The following SBK1 variants were observed in gnomAD, a reference collection of about 807,000 sequenced individuals.
The protein encoded by SBK1 is serine/threonine-protein kinase SBK1.
A neutral mutation model predicts 24.4 loss-of-function variants in SBK1; 11 were observed. The ratio of observed to expected loss-of-function variants is 0.45; its 90% CI spans 0.28 to 0.75. The LOEUF (loss-of-function observed/expected upper bound fraction) is 0.75. SBK1 is among the 30% of genes least tolerant of loss of function. The probability of loss-of-function intolerance (pLI) is 0.12; values close to 1 mark genes in which losing one functional copy is unlikely to be tolerated. For synonymous variants in SBK1, 308 were observed against 284.4 expected (o/e 1.08, Z -0.83); for missense variants, 467 against 620.5 (o/e 0.75, Z 2.63).
At position 28,282,191 on chromosome 16, in the gene SBK1, C is replaced by T. The variant is rs111835615; in HGVS notation, c.257+22689C>T. On this transcript the variant is annotated intron_variant, in intron 1 of 3. Coordinates refer to the SBK1 transcript ENST00000671413. ...ACCTACACCTCCCCTGGGACCCAAGCGAGGAAAGTGTGCTGTGCAGGCAGC... is the reference window on the plus strand; with the variant it reads ...ACCTACACCTCCCCTGGGACCCAAGTGAGGAAAGTGTGCTGTGCAGGCAGC... 2.9e-3 allele frequency among the ~76,000 whole-genome samples: 444 copies of T among 152,272 alleles called. 2 individuals carry two copies. Among genetic ancestry groups the T allele is most frequent in the African/African-American group, 0.01 (426 of 41,546 alleles).
intron 1 of SBK1, among the ~76,000 whole-genome samples, chr16:28,299,512 G>A (rs2141579929): frequency 6.6e-6 from 1 of 152,276 alleles, no homozygotes; most frequent in African/African-American, 2.4e-5. Context: ...CTGAGCTCCA[G>A]GGCTAGATTT....
rs2044871482 is a variant in SBK1 at position 28,323,279 on chromosome 16, A to G, written c.*2358A>G. 1 of 152,060 alleles carries G rather than the reference A, an allele frequency of 6.6e-6. No homozygotes were observed. The highest frequency in any genetic ancestry group is 1.5e-5 in the Non-Finnish European group (1 of 67,902). The allele number at this position is 152,060 out of a possible 1,614,324, so 9.4% of individuals were successfully genotyped here. A position where few individuals can be genotyped will look rare whatever the true frequency, so the allele number is the denominator to read the frequency against. On this transcript the variant is annotated 3_prime_UTR_variant, in exon 4 of 4. Coordinates refer to ENST00000341901, the MANE Select transcript of SBK1 (RefSeq NM_001024401.3). Reference sequence around the variant, plus strand: ...TTATGTCACTGTCGAAGAAACAAAAAATAATAGCAAAAAATAACACTGTAG... The same window carrying G: ...TTATGTCACTGTCGAAGAAACAAAAGATAATAGCAAAAAATAACACTGTAG...
chr16:28,316,553 C>T (rs2044797390), intron 1 of SBK1, among the ~76,000 whole-genome samples: 1 of 151,820 alleles, frequency 6.6e-6, no homozygotes, highest in African/African-American at 2.4e-5. Context: ...TCACTTGAGG[C>T]CAGGAGTTCT....
chr16:28,314,592 T>G (rs1470780352), intron 1 of SBK1, among the ~76,000 whole-genome samples: 1 of 152,206 alleles, frequency 6.6e-6, no homozygotes, highest in Admixed American at 6.5e-5. Context: ...TCTACATCTG[T>G]GCCTTCTCCC....
intron 1 of SBK1, among the ~76,000 whole-genome samples, chr16:28,280,322 A>G (rs2044525949): frequency 7.4e-6 from 1 of 134,880 alleles, no homozygotes; most frequent in Non-Finnish European, 1.6e-5. Context: ...TAATATATAT[A>G]TACGTACATA....
At chr16:28,284,192 G>A (rs1377439052) in intron 1 of SBK1, among the ~76,000 whole-genome samples, 5 of 152,252 alleles carry the variant, frequency 3.3e-5, no homozygotes, top group Admixed American at 2.6e-4. Flanking sequence ...ACTTGCTTTA[G>A]AATCCTTGTC....
chr16:28,261,879 A>G (rs1311651322), intron 1 of SBK1, among the ~76,000 whole-genome samples: 1 of 151,920 alleles, frequency 6.6e-6, no homozygotes, highest in East Asian at 1.9e-4. Context: ...TTCATCTCCC[A>G]CCTCTGATTC....
chr16:28,259,395 T>C lies in SBK1; in HGVS notation c.150T>C (p.Pro50=). 1 of 978,204 alleles carries C rather than the reference T, an allele frequency of 1.0e-6. No homozygotes were observed. The highest frequency in any genetic ancestry group is 4.7e-5 in the South Asian group (1 of 21,162). The allele number at this position is 978,204 out of a possible 1,614,324, so 60.6% of individuals were successfully genotyped here. A position where few individuals can be genotyped will look rare whatever the true frequency, so the allele number is the denominator to read the frequency against. Residue 50 remains proline, a synonymous_variant, in exon 1 of 4, where the codon CCT becomes CCC. Coordinates refer to the SBK1 transcript ENST00000671413. This position sits in a 1 kb window ranked among gnomAD's most constrained non-coding sequence, Gnocchi z 6.0. ...ACCCCTGCCCTGTCCTGGAGCTGCC[T>C]CCGGCCTGGCCCATGGGCTGCGGAG...
intron 1 of SBK1, among the ~76,000 whole-genome samples, chr16:28,277,534 G>A (rs2044501509): frequency 6.6e-6 from 1 of 152,118 alleles, no homozygotes; most frequent in Non-Finnish European, 1.5e-5. Flanking sequence ...AATTAGCCGA[G>A]CATGGTAGTG....
At chr16:28,294,024 A>G (rs2044621406) in intron 1 of SBK1, among the ~76,000 whole-genome samples, 1 of 152,168 alleles carries the variant, frequency 6.6e-6, no homozygotes, top group Non-Finnish European at 1.5e-5. Context: ...CATTTGTCCC[A>G]GGGACAGCAA....
chr16:28,266,926 A>T (rs567471386), intron 1 of SBK1, among the ~76,000 whole-genome samples: 1 of 151,346 alleles, frequency 6.6e-6, no homozygotes, highest in South Asian at 2.1e-4. Context: ...TTTTTTTTTC[A>T]GACAGAGTCT....
At chr16:28,307,213 C>T (rs924591988) in intron 1 of SBK1, among the ~76,000 whole-genome samples, 1 of 152,298 alleles carries the variant, frequency 6.6e-6, no homozygotes, top group Non-Finnish European at 1.5e-5. Flanking sequence ...CTGTCATGTA[C>T]CAAGCGCCTC....
intron 1 of SBK1, among the ~76,000 whole-genome samples, chr16:28,301,927 A>C (rs1016805034): frequency 6.6e-5 from 10 of 152,202 alleles, no homozygotes; most frequent in African/African-American, 7.2e-5. Flanking sequence ...AAGGGAAGAC[A>C]AGGAGGGGAT....
rs1232984222 is a variant in SBK1 at position 28,317,034 on chromosome 16, A to G, written c.-7-351A>G. On this transcript the variant is annotated intron_variant, in intron 1 of 3. Transcript: ENST00000341901. The surrounding 1 kb of genome is among the most constrained non-coding windows in gnomAD (Gnocchi z 4.2). ...CCTCTCTACAATCCAAATAAAACCA[A>G]CGCTTCTGAATGGGAGTACCCGTGT... 1.3e-5 allele frequency among the ~76,000 whole-genome samples: 2 copies of G among 151,914 alleles called. No individual in the cohort carries two copies. The highest frequency in any genetic ancestry group is 2.4e-5 in the African/African-American group (1 of 41,356).
In SBK1 at chr16:28,319,158, C is replaced by T. The variant is rs112517792; in HGVS notation, c.390C>T (p.Tyr130=). ...TEDCYVFAQE[Y]APAGDLFDII... is the part of the protein sequence containing the mutation. Reference sequence around the variant, plus strand: ...ACTGCTACGTCTTTGCCCAGGAGTACGCACCTGCTGGGGACCTGTTTGACA... The same window carrying T: ...ACTGCTACGTCTTTGCCCAGGAGTATGCACCTGCTGGGGACCTGTTTGACA... The change falls in exon 3 of 4, where the codon TAC becomes TAT. Residue 130 remains tyrosine (Y), a synonymous_variant. Transcript: ENST00000341901. This position sits in a 1 kb window ranked among gnomAD's most constrained non-coding sequence, Gnocchi z 4.0. 7.0e-5 allele frequency: 113 copies of T among 1,614,026 alleles called. 1 individual carries two copies. The highest frequency in any genetic ancestry group is 1.9e-4 in the African/African-American group (14 of 74,988).
chr16:28,320,784 C>G lies in SBK1; in HGVS notation c.1138C>G (p.Pro380Ala), dbSNP rs1446475386. Residue 380 changes from proline (P) to alanine (A), a missense_variant, in exon 4 of 4, where the codon CCG (proline) becomes GCG (alanine). Coordinates refer to ENST00000341901, the MANE Select transcript of SBK1 (RefSeq NM_001024401.3). This position sits in a 1 kb window ranked among gnomAD's most constrained non-coding sequence, Gnocchi z 8.5. ...VGSVPLPVPVPVPVPVPVPVP... is the reference protein window; with the variant it reads ...VGSVPLPVPVAVPVPVPVPVP... ...GTCGGTGCCCTTGCCCGTGCCGGTGCCGGTGCCAGTGCCCGTGCCGGTGCC... is the reference window on the plus strand; with the variant it reads ...GTCGGTGCCCTTGCCCGTGCCGGTGGCGGTGCCAGTGCCCGTGCCGGTGCC... 2 of 1,414,902 alleles carry G rather than the reference C, an allele frequency of 1.4e-6. No individual in the cohort carries two copies. The highest frequency in any genetic ancestry group is 1.5e-5 in the African/African-American group (1 of 65,490). 87.6% of individuals were successfully genotyped at this position (1,414,902 alleles called of 1,614,324 possible). A position where few individuals can be genotyped will look rare whatever the true frequency, so the allele number is the denominator to read the frequency against.
chr16:28,314,483 A>C (rs577577593), intron 1 of SBK1, among the ~76,000 whole-genome samples: 1 of 152,152 alleles, frequency 6.6e-6, no homozygotes, highest in Non-Finnish European at 1.5e-5. Context: ...TATCCTTTGT[A>C]TAGATGAGGA....
At chr16:28,273,098 A>G (rs1047812740) in intron 1 of SBK1, among the ~76,000 whole-genome samples, 3 of 151,860 alleles carry the variant, frequency 2.0e-5, no homozygotes, top group Admixed American at 6.6e-5. Flanking sequence ...TTTTTTAGAG[A>G]CAGGGTCTCA....
rs2044614552 is a variant in SBK1 at position 28,293,233 on chromosome 16, G to T, written c.-75G>T. On this transcript the variant is annotated 5_prime_UTR_variant, in exon 1 of 4. Coordinates refer to ENST00000341901, the MANE Select transcript of SBK1 (RefSeq NM_001024401.3). ...GGTCGTGGCGCCCTGAGCCCCCGGGGCCGGGCAGACGAAGACCGCGACGGC... is the reference window on the plus strand; with the variant it reads ...GGTCGTGGCGCCCTGAGCCCCCGGGTCCGGGCAGACGAAGACCGCGACGGC... 1.0e-6 allele frequency: 1 copy of T among 985,308 alleles called. No homozygotes were observed. Among genetic ancestry groups the T allele is most frequent in the South Asian group, 4.7e-5 (1 of 21,288 alleles). 61.0% of individuals were successfully genotyped at this position (985,308 alleles called of 1,614,324 possible).
Sources: allele counts gnomAD v4.1 joint callset (sites outside exome capture counted in the v4.1 genomes callset), GRCh38; gene constraint gnomAD v4.1.1; non-coding constraint Gnocchi (gnomAD v3.1); transcripts MANE v1.5; gene names NCBI Gene and HGNC (gene_info 2026-07-23, HGNC 2026-07-21).